FAM118B: variants seen among roughly 807,000 people sequenced by gnomAD.
FAM118B encodes SIR2 antiphage like 1, also known as protein FAM118B.
In FAM118B, 24 loss-of-function variants were observed where a neutral mutation model predicts 38.5. The ratio of observed to expected loss-of-function variants is 0.62; its 90% confidence interval spans 0.45 to 0.88. The LOEUF is 0.88. Among genes scored for constraint, FAM118B ranks in the 40% least tolerant of loss-of-function variants. FAM118B has a pLI of 0.00. For missense variants in FAM118B, 334 were observed against 420.0 expected, an observed-to-expected ratio of 0.80 and a Z score of 1.79; for synonymous variants, 138 against 156.3, an observed-to-expected ratio of 0.88 and a Z score of 0.87.
At chr11:126,222,773 C>T (rs1950081560) in intron 1 of FAM118B, among the ~76,000 whole-genome samples, 1 of 152,202 alleles carries the variant, frequency 6.6e-6, no homozygotes, top group Non-Finnish European at 1.5e-5. Flanking sequence ...CTCATTCCAT[C>T]AGCGAATGTT....
chr11:126,246,955 CT>C (rs1304816738), intron 4 of FAM118B, among the ~76,000 whole-genome samples: 2 of 152,120 alleles, frequency 1.3e-5, no homozygotes, highest in Non-Finnish European at 2.9e-5. Flanking sequence ...GAGAAAAAAA[CT>C]TTCCAGCCTG....
At chr11:126,247,464 CT>C (rs1049246121) in intron 4 of FAM118B, among the ~76,000 whole-genome samples, 4 of 152,204 alleles carry the variant, frequency 2.6e-5, no homozygotes, top group Non-Finnish European at 4.4e-5. Flanking sequence ...CTTTTCTATT[CT>C]TTTTCTTAGA....
intron 3 of FAM118B, among the ~76,000 whole-genome samples, chr11:126,235,961 G>A (rs1950269338): frequency 6.6e-6 from 1 of 151,830 alleles, no homozygotes; most frequent in Non-Finnish European, 1.5e-5. Context: ...TTGTTTGTTT[G>A]TTTGCTTTCA....
At chr11:126,227,070 T>G (rs1950153357) in intron 1 of FAM118B, among the ~76,000 whole-genome samples, 1 of 144,062 alleles carries the variant, frequency 6.9e-6, no homozygotes, top group Admixed American at 6.9e-5. Flanking sequence ...TTTTTTTTTT[T>G]TTTTTTTTTT....
intron 5 of FAM118B, among the ~76,000 whole-genome samples, chr11:126,251,549 C>T (rs1314524508): frequency 3.3e-5 from 5 of 152,164 alleles, no homozygotes; most frequent in African/African-American, 1.2e-4. Flanking sequence ...TTTCTCTGGT[C>T]CAAGTGTCTT....
intron 3 of FAM118B, among the ~76,000 whole-genome samples, chr11:126,240,303 T>A (rs935430009): frequency 6.6e-6 from 1 of 152,078 alleles, no homozygotes; most frequent in Non-Finnish European, 1.5e-5. Context: ...AGGTTAATGT[T>A]TACAAAATTC....
intron 1 of FAM118B, among the ~76,000 whole-genome samples, chr11:126,212,784 A>G (rs1243165061): frequency 6.6e-6 from 1 of 152,240 alleles, no homozygotes; most frequent in African/African-American, 2.4e-5. Flanking sequence ...AACAAAGTTG[A>G]TCAGGTGGAG....
intron 1 of FAM118B, among the ~76,000 whole-genome samples, chr11:126,216,683 T>A (rs1949983485): frequency 6.6e-6 from 1 of 152,186 alleles, no homozygotes; most frequent in Non-Finnish European, 1.5e-5. Flanking sequence ...ACTGCAGTCA[T>A]AGTGGTGGTG....
intron 1 of FAM118B, among the ~76,000 whole-genome samples, chr11:126,219,079 C>T (rs928914759): frequency 5.9e-5 from 9 of 152,154 alleles, no homozygotes; most frequent in Non-Finnish European, 1.3e-4. Flanking sequence ...AGCTTGCTTT[C>T]CATCTCCAAA....
In FAM118B at chr11:126,219,349, C is replaced by CTTTTTTTTTTTTTTTTT. The variant is rs549922825; in HGVS notation, c.-77+7543_-77+7559dup. Among the ~76,000 whole-genome samples, 23 of 44,466 alleles carry CTTTTTTTTTTTTTTTTT rather than the reference C, an allele frequency of 5.2e-4. 3 individuals carry two copies. The highest frequency in any genetic ancestry group is 7.3e-4 in the Non-Finnish European group (19 of 25,872). The allele number at this position is 44,466 out of a possible 152,430, so 29.2% of individuals were successfully genotyped here. ...AGCTTATCCTTCAGCTCTTGTTTAT[C>CTTTTTTTTTTTTTTTTT]TTTTTTTTTTTTTTTTTTTTTTTTT... On this transcript the variant is annotated intron_variant, in intron 1 of 8. Coordinates refer to ENST00000533050, the MANE Select transcript of FAM118B (RefSeq NM_024556.4).
At chr11:126,236,916 G>C (rs1476353534) in intron 3 of FAM118B, among the ~76,000 whole-genome samples, 2 of 82,450 alleles carry the variant, frequency 2.4e-5, no homozygotes, top group Non-Finnish European at 4.5e-5. Flanking sequence ...TTTCACAGAT[G>C]CTTTTTTTTT....
intron 1 of FAM118B, among the ~76,000 whole-genome samples, chr11:126,224,400 G>C (rs2321987): frequency 6.8e-6 from 1 of 148,132 alleles, no homozygotes; most frequent in East Asian, 2.0e-4. Flanking sequence ...CTTGAGCCCC[G>C]TGGAGGTCAA....
intron 1 of FAM118B, among the ~76,000 whole-genome samples, chr11:126,220,742 G>C (rs1950052996): frequency 6.6e-6 from 1 of 151,896 alleles, no homozygotes; most frequent in Non-Finnish European, 1.5e-5. Context: ...GCAAAACCAT[G>C]TTTTTAGAGC....
At chr11:126,254,494 G>A in intron 6 of FAM118B, 61 bp downstream of exon 6, 1 of 1,596,764 alleles carries the variant, frequency 6.3e-7, no homozygotes, top group Non-Finnish European at 8.6e-7. Flanking sequence ...CTCTAAATAT[G>A]CCATAGATCT....
At chr11:126,233,996 C>A (rs771656814) in intron 2 of FAM118B, among the ~76,000 whole-genome samples, 1 of 151,982 alleles carries the variant, frequency 6.6e-6, no homozygotes, top group Non-Finnish European at 1.5e-5. Context: ...GTGGGTTGAT[C>A]GCTTGAGCCC....
intron 1 of FAM118B, among the ~76,000 whole-genome samples, chr11:126,215,181 A>G (rs1949962737): frequency 6.6e-6 from 1 of 152,208 alleles, no homozygotes; most frequent in Non-Finnish European, 1.5e-5. Context: ...GTCATTTGAA[A>G]GATTTTTGCA....
At chr11:126,226,845 C>T (rs149559260) in intron 1 of FAM118B, among the ~76,000 whole-genome samples, 235 of 151,326 alleles carry the variant, frequency 1.6e-3, no homozygotes, top group African/African-American at 5.4e-3. Flanking sequence ...TGGTGATATG[C>T]GCCTGTAGTC....
intron 1 of FAM118B, among the ~76,000 whole-genome samples, chr11:126,223,523 G>C (rs564445904): frequency 7.5e-4 from 113 of 151,524 alleles, no homozygotes; most frequent in African/African-American, 2.6e-3. Context: ...GCGTCAGCCC[G>C]GGAGGCAGAG....
In FAM118B at chr11:126,250,161, G is replaced by A. The variant is rs530952; in HGVS notation, c.340-345G>A. ...GGCTGGAGTGCAGTGACGCGATCTC[G>A]GCTCACTGCAAGCTCCGCCTCCTGG... is the stretch of plus-strand genomic sequence containing the variant. On this transcript the variant is annotated intron_variant, in intron 4 of 8. Coordinates refer to ENST00000533050, the MANE Select transcript of FAM118B (RefSeq NM_024556.4). This position sits in a 1 kb window ranked among gnomAD's most constrained non-coding sequence, Gnocchi z 5.1. Among the ~76,000 whole-genome samples the A allele has an allele frequency of 2.7e-5, 4 of 150,436 alleles. No homozygotes were observed. The highest frequency in any genetic ancestry group is 5.9e-5 in the Non-Finnish European group (4 of 67,820).
Sources: gnomAD v4.1 joint callset for allele counts (sites outside exome capture counted in the v4.1 genomes callset) on GRCh38, gnomAD v4.1.1 for gene constraint, Gnocchi (gnomAD v3.1) non-coding constraint, MANE v1.5 for transcripts, NCBI Gene and HGNC (gene_info 2026-07-23, HGNC 2026-07-21) for gene names.